The following FZR1 variants were observed in gnomAD, a reference collection of about 807,000 sequenced individuals.
The protein encoded by FZR1 is fizzy-related protein homolog.
Under a neutral mutation model 63.6 loss-of-function variants are expected in FZR1, and 11 were observed. The ratio of observed to expected loss-of-function variants is 0.17; its 90% CI spans 0.11 to 0.29. The LOEUF (loss-of-function observed/expected upper bound fraction) is 0.29. Ranked by LOEUF, FZR1 falls within the 10% of genes least tolerant of loss-of-function variation. The pLI is 1.00. For missense variants in FZR1, 440 were observed against 687.5 expected (o/e 0.64, Z 4.03); for synonymous variants, 328 against 297.9 (o/e 1.10, Z -1.04).
At position 3,513,135 on chromosome 19, in the gene FZR1, C is replaced by CACTTTGCA. The variant is rs553886931; in HGVS notation, c.-35+6670_-35+6677dup. Among the ~76,000 whole-genome samples, 10 of 152,146 alleles carry CACTTTGCA rather than the reference C, an allele frequency of 6.6e-5. No individual in the cohort carries two copies. The South Asian group carries it at 2.1e-3, about 32-fold the overall frequency. Reference sequence around the variant, plus strand: ...ACACCTGGGACCCCTCAGGCAGGAGCACTTTGCAACTTTGCAGGGGTTGGG... The same window carrying CACTTTGCA: ...ACACCTGGGACCCCTCAGGCAGGAGCACTTTGCAACTTTGCAACTTTGCAGGGGTTGGG... On this transcript the variant is annotated intron_variant, in intron 1 of 13. Coordinates refer to ENST00000441788, the MANE Select transcript of FZR1 (RefSeq NM_016263.4).
chr19:3,528,533 C>T (rs62130578), intron 7 of FZR1, among the ~76,000 whole-genome samples: 1 of 152,054 alleles, frequency 6.6e-6, no homozygotes, highest in African/African-American at 2.4e-5. Context: ...GTGTGTGTCT[C>T]CCCTGTATGT....
At chr19:3,531,524 G>C (rs984097890) in intron 8 of FZR1, among the ~76,000 whole-genome samples, 190 bp from the exon 9 acceptor site, 1 of 152,232 alleles carries the variant, frequency 6.6e-6, no homozygotes. Context: ...TGTGTGCGGG[G>C]TGTGCCCGCC....
intron 8 of FZR1, 24 bp downstream of exon 8, chr19:3,530,881 C>A: frequency 6.3e-7 from 1 of 1,588,266 alleles, no homozygotes; most frequent in Non-Finnish European, 8.6e-7. Context: ...GCTTGGCCCC[C>A]ACCTGGGAGA....
intron 7 of FZR1, among the ~76,000 whole-genome samples, chr19:3,530,081 G>A (rs1173830794): frequency 1.6e-5 from 2 of 124,810 alleles, no homozygotes; most frequent in Admixed American, 8.1e-5. Flanking sequence ...TGGGAGAGCG[G>A]ATGGGAGAGT....
chr19:3,527,854 C>T (rs201546337), intron 7 of FZR1, 40 bp downstream of exon 7: 12 of 1,498,296 alleles, frequency 8.0e-6, no homozygotes, highest in Non-Finnish European at 1.1e-5. Context: ...TGGGGGCCTC[C>T]CCAGCTCCCA....
At chr19:3,513,381 G>A (rs1336863947) in intron 1 of FZR1, among the ~76,000 whole-genome samples, 4 of 152,196 alleles carry the variant, frequency 2.6e-5, no homozygotes, top group South Asian at 2.1e-4. Flanking sequence ...GGGCTGGGCC[G>A]AGTGCTGAGT....
At chr19:3,528,055 GGCCCTCCCAGCCACT>G (rs1223888129) in intron 7 of FZR1, among the ~76,000 whole-genome samples, 5 of 145,182 alleles carry the variant, frequency 3.4e-5, no homozygotes, top group South Asian at 2.1e-4. Context: ...TCCCAGCCAT[GGCCCTCCCAGCCACT>G]GCCCTCCCAG....
Position 3,525,363 on chromosome 19 carries a change from G to T in FZR1, c.70-505G>T, listed in dbSNP as rs1471769402. 3.3e-5 allele frequency among the ~76,000 whole-genome samples: 5 copies of T among 151,778 alleles called. No homozygotes were observed. Among genetic ancestry groups the T allele is most frequent in the Non-Finnish European group, 5.9e-5 (4 of 67,990 alleles). ...CCCGTGGGCCTGGCATCTCCCGGAG[G>T]CTTCTGGCACAGAAATCCCTGACCA... On this transcript the variant is annotated intron_variant, in intron 2 of 13. Transcript: ENST00000441788. This position sits in a 1 kb window ranked among gnomAD's most constrained non-coding sequence, Gnocchi z 4.2.
Position 3,515,344 on chromosome 19 carries a change from G to A in FZR1, c.-34-7612G>A, listed in dbSNP as rs1431849887. On this transcript the variant is annotated intron_variant, in intron 1 of 13. Transcript: ENST00000441788. The surrounding 1 kb of genome is among the most constrained non-coding windows in gnomAD (Gnocchi z 4.6). ...ATTTCTCTCTACTCTAACCTTTTAC[G>A]ATGAAACCTTCCGAGCATCCAGCAA... Among the ~76,000 whole-genome samples the A allele has an allele frequency of 6.6e-6, 1 of 152,182 alleles. No homozygotes were observed. Among genetic ancestry groups the A allele is most frequent in the Non-Finnish European group, 1.5e-5 (1 of 68,026 alleles).
rs1470688731 is a variant in FZR1 at position 3,531,394 on chromosome 19, T to TG, written c.721-317dup. Among the ~76,000 whole-genome samples, 4 of 152,208 alleles carry TG rather than the reference T, an allele frequency of 2.6e-5. No homozygotes were observed. In the East Asian group the frequency reaches 7.7e-4, roughly 29 times the overall value. On this transcript the variant is annotated intron_variant, in intron 8 of 13. Coordinates refer to ENST00000441788, the MANE Select transcript of FZR1 (RefSeq NM_016263.4). Reference sequence around the variant, plus strand: ...ACAGCAACGCATGTTGCCCAGCTCCTGGGCCTGTGTGGAACCTGGAGCTCA... The same window carrying TG: ...ACAGCAACGCATGTTGCCCAGCTCCTGGGGCCTGTGTGGAACCTGGAGCTCA...
chr19:3,523,599 G>A (rs2083123748), intron 2 of FZR1, among the ~76,000 whole-genome samples: 1 of 152,250 alleles, frequency 6.6e-6, no homozygotes, highest in Non-Finnish European at 1.5e-5. Flanking sequence ...AACTCCTGTT[G>A]CTGTCTACAC....
rs192292762 is a variant in FZR1 at position 3,525,320 on chromosome 19, G to A, written c.70-548G>A. ...CCTCACCACCCTCCTGCCTGGCAGCGTTGGGAGGCTGAGCCTGCCCGTGGG... is the reference window on the plus strand; with the variant it reads ...CCTCACCACCCTCCTGCCTGGCAGCATTGGGAGGCTGAGCCTGCCCGTGGG... On this transcript the variant is annotated intron_variant, in intron 2 of 13. Transcript: ENST00000441788. This position sits in a 1 kb window ranked among gnomAD's most constrained non-coding sequence, Gnocchi z 4.2. Among the ~76,000 whole-genome samples the A allele has an allele frequency of 1.4e-4, 22 of 152,006 alleles. No individual in the cohort carries two copies. Among genetic ancestry groups the A allele is most frequent in the East Asian group, 7.7e-4 (4 of 5,174 alleles).
At chr19:3,520,606 C>A (rs2083092994) in intron 1 of FZR1, among the ~76,000 whole-genome samples, 1 of 152,250 alleles carries the variant, frequency 6.6e-6, no homozygotes, top group Non-Finnish European at 1.5e-5. Flanking sequence ...CCCTCAGAGC[C>A]TGACTGGCCC....
At position 3,526,130 on chromosome 19, in the gene FZR1, A is replaced by G. The variant is rs139197779; in HGVS notation, c.206A>G (p.Lys69Arg). 3.7e-5 allele frequency: 60 copies of G among 1,612,762 alleles called. No homozygotes were observed. The highest frequency in any genetic ancestry group is 4.7e-5 in the Non-Finnish European group (56 of 1,179,918). Residue 69 changes from lysine (K) to arginine (R), a missense_variant, in exon 4 of 14, where the codon AAG (lysine) becomes AGG (arginine). By Grantham distance (26) the Lys-to-Arg change is conservative (BLOSUM62 2). Transcript: ENST00000441788. This position sits in a 1 kb window ranked among gnomAD's most constrained non-coding sequence, Gnocchi z 5.4. ...CTCTCCTGCCTGCAGGAGAATGAGA[A>G]GTCTCCCAGTCAGAACCGGAAAGCC... is the stretch of plus-strand genomic sequence containing the variant. ...VNFHRINENE[K>R]SPSQNRKAKD...
intron 1 of FZR1, among the ~76,000 whole-genome samples, chr19:3,511,839 C>G (rs1568228921): frequency 6.6e-6 from 1 of 152,206 alleles, no homozygotes; most frequent in Non-Finnish European, 1.5e-5. Flanking sequence ...CCCTTTTTTA[C>G]TTGGCTACTC....
rs765708188 is a variant in FZR1, at chr19:3,526,234, G to A, written c.260-25G>A. On this transcript the variant is annotated intron_variant, in intron 4 of 13. Coordinates refer to ENST00000441788, the MANE Select transcript of FZR1 (RefSeq NM_016263.4). This position sits in a 1 kb window ranked among gnomAD's most constrained non-coding sequence, Gnocchi z 5.4. The stretch of plus-strand genomic sequence containing the variant: ...GCAGGCCCCCACCCTGCCTTGCCCC[G>A]CCTCACTGTGCTTGGTGCCCGCAGA... 12 of 1,611,566 alleles carry A rather than the reference G, an allele frequency of 7.4e-6. No homozygotes were observed. The highest frequency in any genetic ancestry group is 5.5e-5 in the South Asian group (5 of 91,026).
At chr19:3,509,481 G>A (rs1472349193) in intron 1 of FZR1, among the ~76,000 whole-genome samples, 1 of 152,138 alleles carries the variant, frequency 6.6e-6, no homozygotes, top group Admixed American at 6.6e-5. Flanking sequence ...AGCTTTATTT[G>A]GATACACTTC....
chr19:3,523,203 C>T (rs2083120205), intron 2 of FZR1, 145 bp downstream of exon 2: 1 of 683,812 alleles, frequency 1.5e-6, no homozygotes, highest in African/African-American at 1.7e-5. Flanking sequence ...GGGGCCTCCG[C>T]CTCCTGGGCT....
intron 1 of FZR1, among the ~76,000 whole-genome samples, chr19:3,510,079 C>T (rs982561594): frequency 1.3e-5 from 2 of 152,096 alleles, no homozygotes; most frequent in African/African-American, 4.8e-5. Flanking sequence ...CTCCTGCCCC[C>T]AGCATGTCCC....
Sources: gnomAD v4.1 joint callset for allele counts (sites outside exome capture counted in the v4.1 genomes callset) on GRCh38, gnomAD v4.1.1 for gene constraint, Gnocchi (gnomAD v3.1) non-coding constraint, MANE v1.5 for transcripts, NCBI Gene and HGNC (gene_info 2026-07-23, HGNC 2026-07-21) for gene names.